The following RGMB variants were observed in gnomAD, a reference collection of about 807,000 sequenced individuals.
RGMB encodes the protein repulsive guidance molecule B.
In RGMB, 16 loss-of-function variants were observed where a neutral mutation model predicts 26.9. That is an observed-to-expected ratio of 0.60 (90% CI 0.40 to 0.90). The LOEUF is 0.90. RGMB is among the 40% of genes least tolerant of loss of function. The probability of loss-of-function intolerance (pLI) is 0.00; values close to 1 mark genes in which losing one functional copy is unlikely to be tolerated. For missense variants in RGMB, 512 were observed against 573.3 expected (o/e 0.89, Z 1.09); for synonymous variants, 225 against 229.3 (o/e 0.98, Z 0.17).
chr5:98,769,839 T>G (rs1746093586), upstream of RGMB: 1 of 152,368 alleles, frequency 6.6e-6, no homozygotes, highest in South Asian at 2.1e-4. Flanking sequence ...CATTTGATTC[T>G]CCACGCCTGG....
chr5:98,774,162 AGCTGCTGCT>A lies in RGMB; in HGVS notation c.103_111del (p.Leu35_Leu37del). 1 of 1,393,148 alleles carries A rather than the reference AGCTGCTGCT, an allele frequency of 7.2e-7. No homozygotes were observed. The highest frequency in any genetic ancestry group is 9.6e-7 in the Non-Finnish European group (1 of 1,043,304). The allele number at this position is 1,393,148 out of a possible 1,614,324, so 86.3% of individuals were successfully genotyped here. A position where few individuals can be genotyped will look rare whatever the true frequency, so the allele number is the denominator to read the frequency against. On this transcript the variant is annotated inframe_deletion, in exon 1 of 3. Transcript: ENST00000513185. The stretch of plus-strand genomic sequence containing the variant: ...CCCGGGCTCTGCCCCCCGCCGCTGG[AGCTGCTGCT>A]GCTGCTGCTGTTCAGCCTCGGGCTG...
chr5:98,781,402 T>C (rs1401523357), intron 2 of RGMB, among the ~76,000 whole-genome samples: 2 of 152,222 alleles, frequency 1.3e-5, no homozygotes, highest in African/African-American at 4.8e-5. Flanking sequence ...AATAAACTTT[T>C]CTCCCTCTGG....
chr5:98,770,628 CT>C (rs771076214), upstream of RGMB: 32 of 1,401,682 alleles, frequency 2.3e-5, no homozygotes, highest in Admixed American at 2.9e-5. Context: ...CAGGGGCCCC[CT>C]GATCCCGCTG....
rs1305659693 is a variant in RGMB, at chr5:98,792,644, GC to G, written c.646-438del. Reference sequence around the variant, plus strand: ...AAATCAGCCACGCATGGTGGTATATGCCCTTAGTCCTGTGTACTCAGGAGGC... The same window carrying G: ...AAATCAGCCACGCATGGTGGTATATGCCTTAGTCCTGTGTACTCAGGAGGC... On this transcript the variant is annotated intron_variant, in intron 2 of 2. Transcript: ENST00000513185. Among the ~76,000 whole-genome samples, 3 of 130,624 alleles carry G rather than the reference GC, an allele frequency of 2.3e-5. No individual in the cohort carries two copies. The East Asian group carries it at 7.1e-4, about 31-fold the overall frequency. The allele number at this position is 130,624 out of a possible 152,430, so 85.7% of individuals were successfully genotyped here.
intron 2 of RGMB, among the ~76,000 whole-genome samples, chr5:98,784,985 T>C (rs1746728673): frequency 6.6e-6 from 1 of 152,214 alleles, no homozygotes; most frequent in Non-Finnish European, 1.5e-5. Flanking sequence ...AGATCGCTCT[T>C]TATTTTTGTT....
chr5:98,779,238 C>G (rs1746510515), intron 1 of RGMB, among the ~76,000 whole-genome samples: 1 of 152,080 alleles, frequency 6.6e-6, no homozygotes, highest in Non-Finnish European at 1.5e-5. Flanking sequence ...TTAGAGTAAT[C>G]TTTTTCAAAA....
chr5:98,788,361 T>C (rs1028795449), intron 2 of RGMB, among the ~76,000 whole-genome samples: 1 of 152,238 alleles, frequency 6.6e-6, no homozygotes, highest in Non-Finnish European at 1.5e-5. Context: ...GGCTGAGTGG[T>C]GATTGTAAAA....
intron 2 of RGMB, among the ~76,000 whole-genome samples, chr5:98,790,755 T>A (rs749543831): frequency 1.3e-5 from 2 of 152,228 alleles, no homozygotes; most frequent in Non-Finnish European, 2.9e-5. Context: ...TTCTTGCAGA[T>A]AATATCAAGT....
intron 1 of RGMB, among the ~76,000 whole-genome samples, chr5:98,776,536 A>G (rs1486894926): frequency 1.3e-5 from 2 of 152,216 alleles, no homozygotes; most frequent in African/African-American, 4.8e-5. Context: ...CGCCTATAAC[A>G]GGCAAAGTGT....
In RGMB at chr5:98,795,672, T is replaced by TGACCATAG; in HGVS notation, c.*1920_*1921insACCATAGG. 6.6e-6 allele frequency: 1 copy of TGACCATAG among 152,246 alleles called. No individual in the cohort carries two copies. Among genetic ancestry groups the TGACCATAG allele is most frequent in the South Asian group, 2.1e-4 (1 of 4,828 alleles). The allele number at this position is 152,246 out of a possible 1,614,324, so 9.4% of individuals were successfully genotyped here. On this transcript the variant is annotated 3_prime_UTR_variant, in exon 3 of 3. Coordinates refer to ENST00000513185, the MANE Select transcript of RGMB (RefSeq NM_001366508.1). ...GACGGACTGACCATCAGCTCTGAAC[T>TGACCATAG]GTGGCTTTTTTTGTTCACCTATGAT...
chr5:98,783,171 C>T (rs933514219), intron 2 of RGMB, among the ~76,000 whole-genome samples: 1 of 152,194 alleles, frequency 6.6e-6, no homozygotes, highest in Admixed American at 6.5e-5. Context: ...GCCTCCCTCT[C>T]TTTGGAGGAA....
Position 98,792,609 on chromosome 5 carries a change from A to G in RGMB, c.646-476A>G, listed in dbSNP as rs564921181. Among the ~76,000 whole-genome samples the G allele has an allele frequency of 5.3e-4, 52 of 97,594 alleles. No homozygotes were observed. In the East Asian group the frequency reaches 0.016, roughly 31 times the overall value. The allele number at this position is 97,594 out of a possible 152,430, so 64.0% of individuals were successfully genotyped here. On this transcript the variant is annotated intron_variant, in intron 2 of 2. Transcript: ENST00000513185. ...CGCCCCCCACCAACCCCCTCACTTC[A>G]AAGTTTTTTAAATCAGCCACGCATG...
chr5:98,772,771 G>T, upstream of RGMB: 1 of 152,156 alleles, frequency 6.6e-6, no homozygotes, highest in East Asian at 1.9e-4. Flanking sequence ...GAATTAATCC[G>T]TAGAAATTTG....
intron 1 of RGMB, among the ~76,000 whole-genome samples, chr5:98,776,068 A>G (rs1408859251): frequency 6.6e-6 from 1 of 152,212 alleles, no homozygotes; most frequent in East Asian, 1.9e-4. Flanking sequence ...TCAGCTTCAG[A>G]ATACCTCATT....
At chr5:98,785,731 A>T (rs752886769) in intron 2 of RGMB, among the ~76,000 whole-genome samples, 2 of 152,212 alleles carry the variant, frequency 1.3e-5, no homozygotes, top group Non-Finnish European at 2.9e-5. Flanking sequence ...AATTCTCATA[A>T]AAGCATATGT....
chr5:98,774,735 T>C (rs1043530940), intron 1 of RGMB, among the ~76,000 whole-genome samples: 4 of 152,176 alleles, frequency 2.6e-5, no homozygotes, highest in Non-Finnish European at 5.9e-5. Flanking sequence ...AACGTCAACT[T>C]TTTTGAGCAG....
intron 2 of RGMB, among the ~76,000 whole-genome samples, chr5:98,783,352 C>A (rs998206857): frequency 1.3e-5 from 2 of 152,184 alleles, no homozygotes; most frequent in Admixed American, 1.3e-4. Context: ...CTGTGAGAGG[C>A]GGCTACAGGC....
chr5:98,774,468 G>T (rs867584985), intron 1 of RGMB, among the ~76,000 whole-genome samples: 1 of 152,162 alleles, frequency 6.6e-6, no homozygotes, highest in African/African-American at 2.4e-5. Flanking sequence ...TCTCCCCTCC[G>T]ACAGCCGCTT....
chr5:98,784,383 G>A (rs1417265118), intron 2 of RGMB, among the ~76,000 whole-genome samples: 1 of 152,188 alleles, frequency 6.6e-6, no homozygotes, highest in Non-Finnish European at 1.5e-5. Context: ...TACTAGAGAT[G>A]TAGAAAGACT....
Sources: allele counts gnomAD v4.1 joint callset (sites outside exome capture counted in the v4.1 genomes callset), GRCh38; gene constraint gnomAD v4.1.1; transcripts MANE v1.5; gene names NCBI Gene and HGNC (gene_info 2026-07-23, HGNC 2026-07-21).